Variants in SLC9B1 observed in about 807,000 individuals in gnomAD.
SLC9B1 encodes the protein sodium/hydrogen exchanger 9B1.
SLC9B1 carries 32 observed loss-of-function variants against 51.7 expected under a neutral mutation model. The ratio of observed to expected loss-of-function variants is 0.62; its 90% CI spans 0.47 to 0.83. The LOEUF (loss-of-function observed/expected upper bound fraction) is 0.83, where lower values mean the gene tolerates loss of function less well. Among genes scored for constraint, SLC9B1 ranks in the 40% least tolerant of loss-of-function variants. SLC9B1 has a pLI of 0.00. For missense variants in SLC9B1, 406 were observed against 613.2 expected, an observed-to-expected ratio of 0.66 and a Z score of 3.57; for synonymous variants, 145 against 212.7, an observed-to-expected ratio of 0.68 and a Z score of 2.77.
At chr4:103,012,667 A>C (rs1480495807) in intron 1 of SLC9B1, among the ~76,000 whole-genome samples, 1 of 152,232 alleles carries the variant, frequency 6.6e-6, no homozygotes, top group Non-Finnish European at 1.5e-5. Context: ...CTTGAGACTG[A>C]GTAATCTATA....
At chr4:102,892,164 T>G (rs1330988593) in intron 11 of SLC9B1, 1 of 152,164 alleles carries the variant, frequency 6.6e-6, no homozygotes, top group Non-Finnish European at 1.5e-5. Flanking sequence ...GCTCAAGCGA[T>G]CCTCCCACCT....
intron 9 of SLC9B1, among the ~76,000 whole-genome samples, chr4:102,909,047 G>A (rs1177448468): frequency 6.6e-6 from 1 of 152,232 alleles, no homozygotes; most frequent in Admixed American, 6.5e-5. Context: ...AATAGAACTA[G>A]TGATAATATC....
At chr4:102,994,201 G>C (rs375159344) in intron 1 of SLC9B1, among the ~76,000 whole-genome samples, 68 of 151,950 alleles carry the variant, frequency 4.5e-4, no homozygotes, top group East Asian at 1.4e-3. Flanking sequence ...AAACTTCTAT[G>C]CTCTGCTTCC....
At chr4:102,954,654 A>G (rs1461429953) in intron 3 of SLC9B1, among the ~76,000 whole-genome samples, 3 of 152,086 alleles carry the variant, frequency 2.0e-5, no homozygotes, top group Non-Finnish European at 4.4e-5. Flanking sequence ...AGACAAATGA[A>G]AGATATTGTC....
chr4:102,912,739 G>A (rs547331141), intron 7 of SLC9B1, among the ~76,000 whole-genome samples: 2 of 152,126 alleles, frequency 1.3e-5, no homozygotes, highest in Middle Eastern at 3.4e-3. Context: ...AAACTAGCCC[G>A]GTATGTGGTG....
chr4:102,944,085 T>C (rs2110471434), intron 6 of SLC9B1, among the ~76,000 whole-genome samples: 1 of 152,092 alleles, frequency 6.6e-6, no homozygotes, highest in East Asian at 1.9e-4. Context: ...TGGAGCAACG[T>C]GGATGGAGTT....
intron 11 of SLC9B1, chr4:102,891,938 CTGTTT>C (rs1372405769): frequency 2.6e-5 from 4 of 152,156 alleles, no homozygotes; most frequent in Non-Finnish European, 5.9e-5. Context: ...ATGCCCAAAG[CTGTTT>C]TGTTTTGTTT....
intron 3 of SLC9B1, among the ~76,000 whole-genome samples, chr4:102,960,016 C>A (rs1307184466): frequency 2.0e-5 from 3 of 149,966 alleles, no homozygotes; most frequent in Non-Finnish European, 3.0e-5. Context: ...AAAAGAAAAA[C>A]AAAACAAAAA....
intron 6 of SLC9B1, among the ~76,000 whole-genome samples, chr4:102,938,312 A>C (rs1255225869): frequency 6.6e-6 from 1 of 152,260 alleles, no homozygotes; most frequent in Non-Finnish European, 1.5e-5. Flanking sequence ...TCAATTCAAC[A>C]AGAAGACTTA....
At chr4:102,919,140 C>G (rs1039381958) in intron 7 of SLC9B1, among the ~76,000 whole-genome samples, 1 of 152,226 alleles carries the variant, frequency 6.6e-6, no homozygotes, top group Non-Finnish European at 1.5e-5. Flanking sequence ...AGAACTCTGA[C>G]ATACCCTGGA....
chr4:102,963,204 A>G, intron 3 of SLC9B1: 1 of 347,180 alleles, frequency 2.9e-6, no homozygotes, highest in Non-Finnish European at 5.7e-6. Context: ...ACAATGCCTT[A>G]TGGTTTGGAA....
chr4:102,976,069 C>A (rs1173249928), intron 3 of SLC9B1, among the ~76,000 whole-genome samples: 2 of 151,886 alleles, frequency 1.3e-5, no homozygotes, highest in South Asian at 2.1e-4. Flanking sequence ...AGAAGAAAAC[C>A]AGTTGGTGCC....
intron 1 of SLC9B1, among the ~76,000 whole-genome samples, chr4:103,005,040 T>C (rs1740708608): frequency 6.6e-6 from 1 of 152,060 alleles, no homozygotes; most frequent in African/African-American, 2.4e-5. Flanking sequence ...CAAATCTTCA[T>C]AATAAACAGC....
chr4:102,922,873 G>T (rs553134331), intron 7 of SLC9B1, among the ~76,000 whole-genome samples: 55 of 152,128 alleles, frequency 3.6e-4, no homozygotes, highest in African/African-American at 1.3e-3. Flanking sequence ...TTGAATCTCT[G>T]AATAGACCAA....
At chr4:102,956,491 A>C (rs200173894) in intron 3 of SLC9B1, among the ~76,000 whole-genome samples, 2 of 151,750 alleles carry the variant, frequency 1.3e-5, no homozygotes, top group Admixed American at 6.6e-5. Flanking sequence ...CTTTGAATGC[A>C]TTCACCCACC....
intron 1 of SLC9B1, among the ~76,000 whole-genome samples, chr4:103,014,222 T>C (rs1410236106): frequency 6.6e-6 from 1 of 152,194 alleles, no homozygotes. Context: ...TCCAAAACTT[T>C]ATGCATTCTG....
intron 7 of SLC9B1, among the ~76,000 whole-genome samples, chr4:102,926,595 A>G (rs1736191461): frequency 2.6e-5 from 4 of 152,350 alleles, no homozygotes; most frequent in African/African-American, 9.6e-5. Context: ...ACGAAATAAA[A>G]GAGGACACAA....
intron 3 of SLC9B1, among the ~76,000 whole-genome samples, chr4:102,959,853 G>A (rs1738006878): frequency 6.6e-6 from 1 of 152,080 alleles, no homozygotes; most frequent in South Asian, 2.1e-4. Context: ...CATCAAATAG[G>A]AAATTAAAAA....
At chr4:102,927,100 C>T (rs1385633962) in intron 7 of SLC9B1, among the ~76,000 whole-genome samples, 1 of 152,138 alleles carries the variant, frequency 6.6e-6, no homozygotes, top group Non-Finnish European at 1.5e-5. Context: ...AAAATTAATT[C>T]AAGATGGATT....
Sources: allele counts gnomAD v4.1 joint callset (sites outside exome capture counted in the v4.1 genomes callset), GRCh38; gene constraint gnomAD v4.1.1; transcripts MANE v1.5; gene names NCBI Gene and HGNC (gene_info 2026-07-23, HGNC 2026-07-21).